Variants in SHLD2 observed in about 807,000 individuals in gnomAD.
The protein encoded by SHLD2 is RINN1-REV7-interacting novel NHEJ regulator 2.
In SHLD2, 30 loss-of-function variants were observed where a neutral mutation model predicts 73.2. The observed-to-expected ratio is 0.41, with a 90% CI of 0.31 to 0.56. The LOEUF (loss-of-function observed/expected upper bound fraction) is 0.56. SHLD2 is among the 20% of genes least tolerant of loss of function. The pLI, the probability that SHLD2 is intolerant of heterozygous loss-of-function variation, is 0.28. For synonymous variants in SHLD2, 285 were observed against 370.1 expected (o/e 0.77, Z 2.64); for missense variants, 745 against 1,055.9 (o/e 0.71, Z 4.08).
intron 6 of SHLD2, among the ~76,000 whole-genome samples, chr10:87,174,895 C>G (rs1349623156): frequency 1.3e-5 from 2 of 151,940 alleles, no homozygotes; most frequent in Non-Finnish European, 2.9e-5. Flanking sequence ...GCGGGCGGAT[C>G]ATGAGGTCAG....
chr10:87,156,067 CTTTTTTT>C (rs1223191446), intron 3 of SHLD2, among the ~76,000 whole-genome samples: 1 of 134,940 alleles, frequency 7.4e-6, no homozygotes, highest in Non-Finnish European at 1.6e-5. Context: ...AGAAATCTTC[CTTTTTTT>C]TTTTTTTTTT....
chr10:87,123,791 C>T (rs1330655186), intron 2 of SHLD2, among the ~76,000 whole-genome samples: 1 of 152,202 alleles, frequency 6.6e-6, no homozygotes, highest in East Asian at 1.9e-4. Flanking sequence ...CTCCATCCAC[C>T]TGCTTCTCCT....
chr10:87,187,797 T>C (rs1848707258), intron 9 of SHLD2, among the ~76,000 whole-genome samples: 1 of 152,222 alleles, frequency 6.6e-6, no homozygotes, highest in Non-Finnish European at 1.5e-5. Flanking sequence ...CAGTACAAAC[T>C]GAGGTAAATA....
At chr10:87,166,660 A>T (rs1847223176) in intron 4 of SHLD2, among the ~76,000 whole-genome samples, 1 of 152,202 alleles carries the variant, frequency 6.6e-6, no homozygotes. Context: ...AGGTAGGAGG[A>T]TCTCTTGAGG....
chr10:87,184,893 T>C (rs1293274554), intron 8 of SHLD2, among the ~76,000 whole-genome samples: 4 of 152,226 alleles, frequency 2.6e-5, no homozygotes, highest in African/African-American at 9.7e-5. Context: ...AGTTGCATAC[T>C]GTCTTTTCTA....
intron 2 of SHLD2, among the ~76,000 whole-genome samples, chr10:87,122,252 C>T (rs1245870296): frequency 6.6e-6 from 1 of 150,748 alleles, no homozygotes. Flanking sequence ...TACAGCAGAC[C>T]AAGGTATCTA....
chr10:87,178,861 A>T (rs1848123879), intron 7 of SHLD2, among the ~76,000 whole-genome samples: 1 of 152,250 alleles, frequency 6.6e-6, no homozygotes. Context: ...ATTGGAAGAG[A>T]TGATGAAACC....
At chr10:87,165,080 G>A (rs1166594956) in intron 4 of SHLD2, among the ~76,000 whole-genome samples, 2 of 151,978 alleles carry the variant, frequency 1.3e-5, no homozygotes, top group Non-Finnish European at 2.9e-5. Flanking sequence ...CCAGCTATTC[G>A]GGAGGCTGAG....
At chr10:87,174,801 T>C (rs1847835195) in intron 6 of SHLD2, among the ~76,000 whole-genome samples, 1 of 152,026 alleles carries the variant, frequency 6.6e-6, no homozygotes, top group African/African-American at 2.4e-5. Context: ...AGTAATAAGG[T>C]CTGTGTTATT....
At chr10:87,119,925 TTAAAA>T (rs1261049203) in intron 2 of SHLD2, among the ~76,000 whole-genome samples, 10 of 152,092 alleles carry the variant, frequency 6.6e-5, no homozygotes, top group African/African-American at 2.4e-4. Flanking sequence ...GGATAATTAT[TTAAAA>T]TAAGGCTACT....
intron 6 of SHLD2, among the ~76,000 whole-genome samples, chr10:87,174,887 G>A (rs557952149): frequency 5.3e-5 from 8 of 152,090 alleles, no homozygotes; most frequent in African/African-American, 1.4e-4. Flanking sequence ...AAACCGAGGC[G>A]GGCGGATCAT....
At chr10:87,119,483 C>T (rs1321900091) in intron 2 of SHLD2, among the ~76,000 whole-genome samples, 1 of 151,958 alleles carries the variant, frequency 6.6e-6, no homozygotes, top group Admixed American at 6.6e-5. Context: ...TGTATAGGGC[C>T]GGGCGCCGGT....
intron 9 of SHLD2, among the ~76,000 whole-genome samples, chr10:87,187,682 G>A (rs1848701278): frequency 6.6e-6 from 1 of 152,196 alleles, no homozygotes; most frequent in East Asian, 1.9e-4. Context: ...CTGGTTCCGT[G>A]ATTGCTTTAT....
At chr10:87,135,106 A>G (rs1844710281) in intron 2 of SHLD2, among the ~76,000 whole-genome samples, 1 of 152,012 alleles carries the variant, frequency 6.6e-6, no homozygotes, top group Non-Finnish European at 1.5e-5. Context: ...GAGAGTTCCC[A>G]TAGATGCTGC....
chr10:87,161,013 A>T (rs1018601325), intron 4 of SHLD2, among the ~76,000 whole-genome samples: 2 of 152,040 alleles, frequency 1.3e-5, no homozygotes, highest in African/African-American at 4.8e-5. Context: ...AAGAAGAGGC[A>T]TTTGAATGGA....
intron 2 of SHLD2, among the ~76,000 whole-genome samples, chr10:87,146,225 T>C (rs1207095309): frequency 6.6e-6 from 1 of 152,172 alleles, no homozygotes; most frequent in African/African-American, 2.4e-5. Flanking sequence ...TGGGGCTGCA[T>C]GTGGTCCAGG....
intron 4 of SHLD2, among the ~76,000 whole-genome samples, chr10:87,163,158 C>T (rs1457635961): frequency 6.6e-6 from 1 of 151,928 alleles, no homozygotes; most frequent in East Asian, 1.9e-4. Context: ...TCTCTATGAA[C>T]TGATATGGAG....
chr10:87,114,073 G>A (rs1159982788), intron 2 of SHLD2: 4 of 152,094 alleles, frequency 2.6e-5, no homozygotes, highest in African/African-American at 9.6e-5. Context: ...GTAAGGTTTG[G>A]TAAAGGTTTA....
chr10:87,155,079 C>G (rs1380568842), intron 3 of SHLD2, among the ~76,000 whole-genome samples: 1 of 152,104 alleles, frequency 6.6e-6, no homozygotes, highest in African/African-American at 2.4e-5. Flanking sequence ...GGACTACAGG[C>G]GCCTGCCACC....
Sources: gnomAD v4.1 joint callset for allele counts (sites outside exome capture counted in the v4.1 genomes callset) on GRCh38, gnomAD v4.1.1 for gene constraint, MANE v1.5 for transcripts, NCBI Gene and HGNC (gene_info 2026-07-23, HGNC 2026-07-21) for gene names.